Variants in EVC2 observed in about 807,000 individuals in gnomAD.
The protein encoded by EVC2 is EvC ciliary complex subunit 2.
Under a neutral mutation model 149.3 loss-of-function variants are expected in EVC2, and 148 were observed. The ratio of observed to expected loss-of-function variants is 0.99; its 90% CI spans 0.87 to 1.14. The LOEUF (loss-of-function observed/expected upper bound fraction) is 1.14, where lower values mean the gene tolerates loss of function less well. Ranked by LOEUF, EVC2 falls within the 50% of genes most tolerant of loss-of-function variation. The pLI, the probability that EVC2 is intolerant of heterozygous loss-of-function variation, is 0.00. For synonymous variants in EVC2, 776 were observed against 649.9 expected (o/e 1.19, Z -2.95); for missense variants, 1,854 against 1,627.3 (o/e 1.14, Z -2.40).
chr4:5,709,070 GCCCGAGCCTGCTGTGGGTCAGC>G (rs1722406471), upstream of EVC2: 1 of 152,454 alleles, frequency 6.6e-6, no homozygotes, highest in Admixed American at 6.5e-5. Context: ...AGCACCCACT[GCCCGAGCCTGCTGTGGGTCAGC>G]CCTGGGCCGG....
At chr4:5,552,191 G>A (rs569579475) in intron 21 of EVC2, among the ~76,000 whole-genome samples, 55 of 152,040 alleles carry the variant, frequency 3.6e-4, no homozygotes, top group African/African-American at 8.7e-4. Flanking sequence ...CTTCTACTAC[G>A]GAGATGAGGA....
At chr4:5,598,932 AAAG>A (rs1263653312) in intron 16 of EVC2, among the ~76,000 whole-genome samples, 8 of 152,244 alleles carry the variant, frequency 5.3e-5, no homozygotes, top group Non-Finnish European at 1.2e-4. Flanking sequence ...ACATTTCTCA[AAAG>A]AAGACATTTA....
At chr4:5,586,388 C>G (rs1211798342) in intron 16 of EVC2, among the ~76,000 whole-genome samples, 3 of 151,974 alleles carry the variant, frequency 2.0e-5, no homozygotes, top group African/African-American at 7.3e-5. Context: ...AGTACAAGAA[C>G]CAAAAATAAA....
intron 16 of EVC2, among the ~76,000 whole-genome samples, chr4:5,594,451 C>A (rs1400271423): frequency 6.6e-6 from 1 of 152,168 alleles, no homozygotes; most frequent in Non-Finnish European, 1.5e-5. Context: ...CTGCTGGTAC[C>A]CAGGTAAACA....
At chr4:5,542,029 T>C (rs184339489), downstream of EVC2, among the ~76,000 whole-genome samples, 5 of 152,246 alleles carry the variant, frequency 3.3e-5, no homozygotes, top group East Asian at 1.9e-4. Context: ...CCCATAAGGA[T>C]AGGGCCTTAT....
chr4:5,631,657 C>G (rs1368908510), intron 11 of EVC2, 136 bp downstream of exon 11: 3 of 1,251,480 alleles, frequency 2.4e-6, no homozygotes, highest in African/African-American at 3.0e-5. Context: ...TGGAAACTCA[C>G]ACACCAAGAG....
intron 7 of EVC2, among the ~76,000 whole-genome samples, chr4:5,672,520 C>T (rs987727637): frequency 6.6e-6 from 1 of 152,142 alleles, no homozygotes; most frequent in Non-Finnish European, 1.5e-5. Context: ...CAACGGGACA[C>T]GCCAGCAAGG....
chr4:5,701,518 G>A (rs890562899), intron 1 of EVC2, among the ~76,000 whole-genome samples: 26 of 152,162 alleles, frequency 1.7e-4, no homozygotes, highest in African/African-American at 5.1e-4. Context: ...CACGTTGTCC[G>A]GCCTCCTCTG....
chr4:5,557,420 A>G (rs1721857854), intron 21 of EVC2, among the ~76,000 whole-genome samples: 1 of 152,150 alleles, frequency 6.6e-6, no homozygotes, highest in Admixed American at 6.5e-5. Context: ...AACTTTATAA[A>G]AAATACATAA....
chr4:5,652,192 G>T (rs1264967002), intron 9 of EVC2, among the ~76,000 whole-genome samples: 1 of 152,218 alleles, frequency 6.6e-6, no homozygotes, highest in Non-Finnish European at 1.5e-5. Flanking sequence ...CAATGGCTGG[G>T]ACTCAGGTGC....
In EVC2 at chr4:5,670,824, C is replaced by T. The variant is rs1339023142; in HGVS notation, c.871-5175G>A. Among the ~76,000 whole-genome samples the T allele has an allele frequency of 6.6e-6, 1 of 151,882 alleles. No individual in the cohort carries two copies. The highest frequency in any genetic ancestry group is 1.5e-5 in the Non-Finnish European group (1 of 67,990). The stretch of plus-strand genomic sequence containing the variant: ...CCACCACCACCATTACCATAGCCAC[C>T]ATCACTATCAACATCATCAATATCC... On this transcript the variant is annotated intron_variant, in intron 7 of 21. Coordinates refer to ENST00000344408, the MANE Select transcript of EVC2 (RefSeq NM_147127.5). This position sits in a 1 kb window ranked among gnomAD's most constrained non-coding sequence, Gnocchi z 5.2.
At chr4:5,656,658 G>T (rs1290379656) in intron 9 of EVC2, among the ~76,000 whole-genome samples, 2 of 152,116 alleles carry the variant, frequency 1.3e-5, no homozygotes, top group Non-Finnish European at 1.5e-5. Flanking sequence ...AAGTGCTGCA[G>T]CCTTGGAAGC....
intron 21 of EVC2, among the ~76,000 whole-genome samples, chr4:5,553,065 A>C (rs1263550709): frequency 6.6e-6 from 1 of 152,186 alleles, no homozygotes; most frequent in Admixed American, 6.5e-5. Flanking sequence ...GAAATACCCG[A>C]GACTGGGTAA....
chr4:5,687,098 A>C (rs1193521845), intron 5 of EVC2, among the ~76,000 whole-genome samples: 1 of 152,092 alleles, frequency 6.6e-6, no homozygotes, highest in Admixed American at 6.5e-5. Flanking sequence ...CTCTACTAAA[A>C]ATACAAAAAT....
chr4:5,557,488 A>G (rs976353789), downstream of EVC2, among the ~76,000 whole-genome samples: 1 of 152,190 alleles, frequency 6.6e-6, no homozygotes, highest in African/African-American at 2.4e-5. Flanking sequence ...TCCTCTTCAG[A>G]TCAAGAATAA....
intron 16 of EVC2, among the ~76,000 whole-genome samples, chr4:5,595,554 A>T (rs1371865642): frequency 6.6e-6 from 1 of 152,178 alleles, no homozygotes; most frequent in Non-Finnish European, 1.5e-5. Flanking sequence ...GCCCTAAAAG[A>T]GCTCCTGAAG....
intron 21 of EVC2, among the ~76,000 whole-genome samples, chr4:5,556,229 A>G (rs1170459329): frequency 6.6e-6 from 1 of 150,842 alleles, no homozygotes; most frequent in Non-Finnish European, 1.5e-5. Flanking sequence ...AATAATAGCA[A>G]TTATAGAAAA....
intron 21 of EVC2, among the ~76,000 whole-genome samples, chr4:5,557,187 A>C (rs1326497455): frequency 6.6e-6 from 1 of 152,168 alleles, no homozygotes; most frequent in Non-Finnish European, 1.5e-5. Context: ...ATATATTTAC[A>C]AATTAAATCC....
chr4:5,591,745 G>C (rs879896308), intron 16 of EVC2, among the ~76,000 whole-genome samples: 26 of 152,260 alleles, frequency 1.7e-4, no homozygotes, highest in Non-Finnish European at 2.9e-4. Flanking sequence ...TCTAGAGAGG[G>C]TTTTAATCCT....
Sources: gnomAD v4.1 joint callset for allele counts (sites outside exome capture counted in the v4.1 genomes callset) on GRCh38, gnomAD v4.1.1 for gene constraint, Gnocchi (gnomAD v3.1) non-coding constraint, MANE v1.5 for transcripts, NCBI Gene and HGNC (gene_info 2026-07-23, HGNC 2026-07-21) for gene names.